The following ST6GALNAC3 variants were observed in gnomAD, a reference collection of about 807,000 sequenced individuals.
ST6GALNAC3 encodes ST6 N-acetylgalactosaminide alpha-2,6-sialyltransferase 3, also known as alpha-N-acetylgalactosaminide alpha-2,6-sialyltransferase 3.
A neutral mutation model predicts 32.7 loss-of-function variants in ST6GALNAC3; 25 were observed. The observed-to-expected ratio is 0.76, with a 90% CI of 0.56 to 1.07. The LOEUF (loss-of-function observed/expected upper bound fraction) is 1.07. Among genes scored for constraint, ST6GALNAC3 ranks in the 50% least tolerant of loss-of-function variants. The pLI is 0.00. For synonymous variants in ST6GALNAC3, 129 were observed against 133.1 expected (o/e 0.97, Z 0.21); for missense variants, 355 against 382.4 (o/e 0.93, Z 0.60).
intron 3 of ST6GALNAC3, among the ~76,000 whole-genome samples, chr1:76,600,804 C>T (rs1234177423): frequency 1.3e-5 from 2 of 152,172 alleles, no homozygotes; most frequent in Non-Finnish European, 2.9e-5. Flanking sequence ...AGCCATTTAT[C>T]TAATGTATTT....
chr1:76,140,797 A>AT (rs3042284), intron 1 of ST6GALNAC3, among the ~76,000 whole-genome samples: 2,070 of 120,350 alleles, frequency 0.017, 33 homozygotes, highest in African/African-American at 0.029. Context: ...TAATTTTCTA[A>AT]TTTTTTTTTT....
Position 76,634,296 on chromosome 1 carries a change from C to T in ST6GALNAC3, c.*5490C>T. On this transcript the variant is annotated 3_prime_UTR_variant, in exon 5 of 5. Transcript: ENST00000328299. ...AAACTTCAAAAAGATCAAAACGAGGCAATTTTATAGCTTTTTGTTACCTAA... is the reference window on the plus strand; with the variant it reads ...AAACTTCAAAAAGATCAAAACGAGGTAATTTTATAGCTTTTTGTTACCTAA... 1 of 411,700 alleles carries T rather than the reference C, an allele frequency of 2.4e-6. No homozygotes were observed. The allele number at this position is 411,700 out of a possible 1,614,324, so 25.5% of individuals were successfully genotyped here. A position where few individuals can be genotyped will look rare whatever the true frequency, so the allele number is the denominator to read the frequency against.
chr1:76,497,463 T>G (rs1248453301), intron 3 of ST6GALNAC3, among the ~76,000 whole-genome samples: 1 of 152,152 alleles, frequency 6.6e-6, no homozygotes, highest in African/African-American at 2.4e-5. Context: ...TGTGAAGAAA[T>G]TAGCTGCAAG....
At chr1:76,519,909 C>T (rs1255871290) in intron 3 of ST6GALNAC3, among the ~76,000 whole-genome samples, 1 of 151,310 alleles carries the variant, frequency 6.6e-6, no homozygotes, top group Non-Finnish European at 1.5e-5. Context: ...TACATGCATG[C>T]ATGCACACAC....
chr1:76,407,440 C>T (rs1187611057), intron 2 of ST6GALNAC3, among the ~76,000 whole-genome samples: 1 of 151,946 alleles, frequency 6.6e-6, no homozygotes, highest in Admixed American at 6.6e-5. Context: ...AAAACAAATA[C>T]AGTGCTGTTA....
chr1:76,473,143 G>T (rs1370712632), intron 3 of ST6GALNAC3, among the ~76,000 whole-genome samples: 1 of 152,090 alleles, frequency 6.6e-6, no homozygotes, highest in East Asian at 1.9e-4. Context: ...AACCCTAACA[G>T]CTTACTGTCT....
chr1:76,183,851 A>AATATATATATAT (rs71071991), intron 1 of ST6GALNAC3, among the ~76,000 whole-genome samples: 8,294 of 117,702 alleles, frequency 0.07, 446 homozygotes, highest in Non-Finnish European at 0.099. Context: ...GTAGTGCATG[A>AATATATATATAT]ATATATATAT....
At chr1:76,206,361 C>T (rs1000739670) in intron 1 of ST6GALNAC3, among the ~76,000 whole-genome samples, 1 of 152,034 alleles carries the variant, frequency 6.6e-6, no homozygotes, top group Non-Finnish European at 1.5e-5. Flanking sequence ...GTTCTGGATT[C>T]AAATCCCAAC....
intron 1 of ST6GALNAC3, among the ~76,000 whole-genome samples, chr1:76,119,118 G>A (rs1461370407): frequency 2.6e-5 from 4 of 152,198 alleles, no homozygotes; most frequent in Non-Finnish European, 5.9e-5. Flanking sequence ...ACTGCACCTG[G>A]CCGATGGCAA....
intron 2 of ST6GALNAC3, among the ~76,000 whole-genome samples, chr1:76,315,359 A>T (rs1056260581): frequency 1.3e-5 from 2 of 152,118 alleles, no homozygotes; most frequent in Non-Finnish European, 2.9e-5. Flanking sequence ...AAAATGAAAC[A>T]TGTGACTAAA....
chr1:76,501,793 T>G (rs2101727242), intron 3 of ST6GALNAC3, among the ~76,000 whole-genome samples: 1 of 152,326 alleles, frequency 6.6e-6, no homozygotes, highest in South Asian at 2.1e-4. Context: ...TGGTTTGCTG[T>G]TAGAATCTCC....
intron 1 of ST6GALNAC3, among the ~76,000 whole-genome samples, chr1:76,105,722 T>G (rs1371997663): frequency 6.6e-6 from 1 of 152,204 alleles, no homozygotes; most frequent in East Asian, 1.9e-4. Flanking sequence ...CATTACTATT[T>G]GCCTCAAGTG....
intron 1 of ST6GALNAC3, among the ~76,000 whole-genome samples, chr1:76,194,513 A>T (rs1654087222): frequency 6.6e-6 from 1 of 152,068 alleles, no homozygotes; most frequent in Non-Finnish European, 1.5e-5. Context: ...TTACATGTTA[A>T]TACAAATAAT....
At chr1:76,412,438 C>G in intron 3 of ST6GALNAC3, 21 bp downstream of exon 3, 1 of 1,556,368 alleles carries the variant, frequency 6.4e-7, no homozygotes, top group Non-Finnish European at 8.7e-7. Flanking sequence ...TCTGAAGCAG[C>G]TTTATTGTCT....
intron 1 of ST6GALNAC3, among the ~76,000 whole-genome samples, chr1:76,198,260 G>A (rs66498881): frequency 0.084 from 12,766 of 152,090 alleles, 587 homozygotes; most frequent in African/African-American, 0.12. Flanking sequence ...GGTCTCAAAC[G>A]CTTGAGCTCA....
intron 2 of ST6GALNAC3, among the ~76,000 whole-genome samples, chr1:76,330,178 A>G (rs750777073): frequency 3.3e-5 from 5 of 151,402 alleles, no homozygotes; most frequent in Non-Finnish European, 7.4e-5. Context: ...CTTGAGACAG[A>G]GCCTCACTCT....
intron 1 of ST6GALNAC3, among the ~76,000 whole-genome samples, chr1:76,273,685 C>T (rs573832680): frequency 1.1e-3 from 169 of 152,216 alleles, no homozygotes; most frequent in East Asian, 1.9e-3. Flanking sequence ...CTGGTATTAA[C>T]ATAACGTGGC....
chr1:76,176,510 G>A (rs1188425768), intron 1 of ST6GALNAC3, among the ~76,000 whole-genome samples: 1 of 152,200 alleles, frequency 6.6e-6, no homozygotes, highest in Non-Finnish European at 1.5e-5. Context: ...CGGAGACTCA[G>A]TAAAGAAAGA....
At chr1:76,362,847 G>A (rs547424036) in intron 2 of ST6GALNAC3, among the ~76,000 whole-genome samples, 1 of 152,316 alleles carries the variant, frequency 6.6e-6, no homozygotes, top group East Asian at 1.9e-4. Flanking sequence ...TGCTCTCTTG[G>A]GCCAGTGCTG....
Sources: gnomAD v4.1 joint callset for allele counts (sites outside exome capture counted in the v4.1 genomes callset) on GRCh38, gnomAD v4.1.1 for gene constraint, MANE v1.5 for transcripts, NCBI Gene and HGNC (gene_info 2026-07-23, HGNC 2026-07-21) for gene names.